SEZ6L2: variants seen among roughly 807,000 people sequenced by gnomAD.
The protein encoded by SEZ6L2 is seizure related 6 homolog like 2.
Under a neutral mutation model 97.0 loss-of-function variants are expected in SEZ6L2, and 44 were observed. The ratio of observed to expected loss-of-function variants is 0.45; its 90% confidence interval spans 0.36 to 0.58. The LOEUF (loss-of-function observed/expected upper bound fraction) is 0.58. SEZ6L2 is among the 20% of genes least tolerant of loss of function. SEZ6L2 has a pLI of 0.00. For synonymous variants in SEZ6L2, 543 were observed against 546.1 expected, an observed-to-expected ratio of 0.99 and a Z score of 0.08; for missense variants, 1,086 against 1,233.3, an observed-to-expected ratio of 0.88 and a Z score of 1.79.
intron 6 of SEZ6L2, among the ~76,000 whole-genome samples, chr16:29,888,304 A>G (rs1174786003): frequency 1.3e-5 from 2 of 151,968 alleles, no homozygotes; most frequent in Admixed American, 1.3e-4. Flanking sequence ...TCCCAAAATA[A>G]AATCTCCAGT....
chr16:29,887,850 C>T, intron 6 of SEZ6L2, 33 bp from the exon 7 acceptor site: 2 of 1,609,650 alleles, frequency 1.2e-6, no homozygotes, highest in Non-Finnish European at 1.7e-6. Flanking sequence ...TTAAGGCCAG[C>T]CTGAGGTGAA....
In SEZ6L2 at chr16:29,871,416, G is replaced by A; in HGVS notation, c.*283C>T. 5 of 551,126 alleles carry A rather than the reference G, an allele frequency of 9.1e-6. No homozygotes were observed. In the Admixed American group the frequency reaches 9.2e-5, roughly 10 times the overall value. The allele number at this position is 551,126 out of a possible 1,614,324, so 34.1% of individuals were successfully genotyped here. On this transcript the variant is annotated 3_prime_UTR_variant, in exon 18 of 18. Coordinates refer to ENST00000617533, the MANE Select transcript of SEZ6L2 (RefSeq NM_001243332.2). ...GTGCCCTGGGCAGGAGGGGCTGCAAGATTTGCAGGGAGGCAGAGTTCCCCT... is the reference window on the plus strand; with the variant it reads ...GTGCCCTGGGCAGGAGGGGCTGCAAAATTTGCAGGGAGGCAGAGTTCCCCT...
At chr16:29,877,793 T>C (rs925825622) in intron 10 of SEZ6L2, among the ~76,000 whole-genome samples, 3 of 152,270 alleles carry the variant, frequency 2.0e-5, no homozygotes, top group South Asian at 2.1e-4. Context: ...CTCTGGCCAA[T>C]CACAGACCAA....
intron 10 of SEZ6L2, 94 bp downstream of exon 10, chr16:29,878,193 G>C (rs1453798613): frequency 5.0e-6 from 7 of 1,408,034 alleles, no homozygotes; most frequent in Non-Finnish European, 5.7e-6. Flanking sequence ...AGATACGCAA[G>C]AGCCAGACAG....
intron 5 of SEZ6L2, among the ~76,000 whole-genome samples, chr16:29,891,883 G>T (rs181264342): frequency 6.6e-6 from 1 of 152,282 alleles, no homozygotes; most frequent in East Asian, 1.9e-4. Flanking sequence ...AACACGCAAA[G>T]CACCTGGCAC....
chr16:29,876,728 C>T lies in SEZ6L2; in HGVS notation c.2104+28G>A. On this transcript the variant is annotated intron_variant, in intron 12 of 17. Transcript: ENST00000617533. The surrounding 1 kb of genome is among the most constrained non-coding windows in gnomAD (Gnocchi z 6.5). ...GGGGCCCACAGGGAAGGGGCGGGGC[C>T]GAGGGGACGCGGGCGGGGCCGGCTC... 6.7e-7 allele frequency: 1 copy of T among 1,503,286 alleles called. No individual in the cohort carries two copies. Among genetic ancestry groups the T allele is most frequent in the Non-Finnish European group, 8.9e-7 (1 of 1,122,388 alleles). The allele number at this position is 1,503,286 out of a possible 1,614,324, so 93.1% of individuals were successfully genotyped here.
rs938870775 is a variant in SEZ6L2, at chr16:29,871,722, G to T, written c.2749C>A (p.Arg917=). ...SNPLYEAGDT[R]EYEVSI is the part of the protein sequence containing the mutation. ...GTTCAGATGGAAACTTCATACTCCC[G>T]CGTATCCTGAAGACAGAGAGATCAG... The change falls in exon 18 of 18, where the codon CGG becomes AGG. Residue 917 remains arginine (R), a synonymous_variant. Coordinates refer to ENST00000617533, the MANE Select transcript of SEZ6L2 (RefSeq NM_001243332.2). 6.8e-6 allele frequency: 11 copies of T among 1,608,454 alleles called. No homozygotes were observed. The highest frequency in any genetic ancestry group is 1.3e-5 in the African/African-American group (1 of 74,774).
At chr16:29,896,371 C>T (rs1448109278) in intron 3 of SEZ6L2, among the ~76,000 whole-genome samples, 3 of 152,176 alleles carry the variant, frequency 2.0e-5, no homozygotes, top group African/African-American at 7.2e-5. Flanking sequence ...CCTCCACCTC[C>T]CGGGTTCAAG....
chr16:29,872,779 G>A (rs773981659), intron 14 of SEZ6L2, 36 bp from the exon 15 acceptor site: 2 of 1,438,518 alleles, frequency 1.4e-6, no homozygotes, highest in African/African-American at 2.8e-5. Context: ...TGGGGTCTGA[G>A]CCAGGGAGGG....
intron 17 of SEZ6L2, 46 bp from the exon 18 acceptor site, chr16:29,871,774 G>T: frequency 6.3e-7 from 1 of 1,579,404 alleles, no homozygotes; most frequent in Non-Finnish European, 8.6e-7. Context: ...TGATAGGGGT[G>T]GAAGAGGCAG....
chr16:29,892,095 A>T, intron 5 of SEZ6L2, among the ~76,000 whole-genome samples: 1 of 152,190 alleles, frequency 6.6e-6, no homozygotes, highest in African/African-American at 2.4e-5. Flanking sequence ...TGAGAAGCAA[A>T]TGAAACTAAG....
chr16:29,896,750 G>C, intron 3 of SEZ6L2, 72 bp downstream of exon 3: 1 of 1,368,346 alleles, frequency 7.3e-7, no homozygotes. Context: ...GTTCCCAGCA[G>C]CCTCTCTCCC....
At chr16:29,886,471 C>T (rs1054105572) in intron 7 of SEZ6L2, among the ~76,000 whole-genome samples, 4 of 151,190 alleles carry the variant, frequency 2.6e-5, no homozygotes, top group Admixed American at 6.6e-5. Context: ...GTCAGGAGAT[C>T]GAGACCATCC....
In SEZ6L2 at chr16:29,885,638, C is replaced by G. The variant is rs367843207; in HGVS notation, c.1320G>C (p.Glu440Asp). 1.2e-6 allele frequency: 2 copies of G among 1,614,096 alleles called. No individual in the cohort carries two copies. Among genetic ancestry groups the G allele is most frequent in the Non-Finnish European group, 1.7e-6 (2 of 1,179,998 alleles). Residue 440 changes from glutamate to aspartate, a missense_variant, in exon 8 of 18, where the codon GAG (glutamate) becomes GAC (aspartate). Glu to Asp is a conservative substitution (Grantham distance 45). Coordinates refer to ENST00000617533, the MANE Select transcript of SEZ6L2 (RefSeq NM_001243332.2). ...GATTGGCAGGTGTCTCTGACAGCAG[C>G]TCCACGTAGAGGGACTGGGCGTCAC... ...LISDAQSLYVELLSETPANPL... is the reference protein window; with the variant it reads ...LISDAQSLYVDLLSETPANPL...
Position 29,898,960 on chromosome 16 carries a change from C to T in SEZ6L2, c.60G>A (p.Leu20=). 6.2e-7 allele frequency: 1 copy of T among 1,611,880 alleles called. No homozygotes were observed. The highest frequency in any genetic ancestry group is 8.5e-7 in the Non-Finnish European group (1 of 1,179,648). ...PPPQLLFLIL[L]SCPWIQGLPL... Reference sequence around the variant, plus strand: ...CCTTACCCTGGATCCAGGGACAGCTCAGCAGAATTAGGAACAGCAGCTGGG... The same window carrying T: ...CCTTACCCTGGATCCAGGGACAGCTTAGCAGAATTAGGAACAGCAGCTGGG... Residue 20 remains leucine, a synonymous_variant, in exon 1 of 18, where the codon CTG becomes CTA. Transcript: ENST00000617533.
In SEZ6L2 at chr16:29,872,731, T is replaced by G; in HGVS notation, c.2501A>C (p.Glu834Ala). ...QPPLCKVAYEELLDNRKLEVT... is the reference protein window; with the variant it reads ...QPPLCKVAYEALLDNRKLEVT... ...TTCCAGTTTTCGGTTGTCCAGGAGC[T>G]CCTCATAGGCAACTGCAGGGAGAGG... Residue 834 changes from glutamate (E) to alanine (A), a missense_variant, in exon 15 of 18, where the codon GAG becomes GCG. Transcript: ENST00000617533. The G allele has an allele frequency of 6.2e-7, 1 of 1,610,758 alleles. No homozygotes were observed. The highest frequency in any genetic ancestry group is 8.5e-7 in the Non-Finnish European group (1 of 1,178,766).
intron 8 of SEZ6L2, among the ~76,000 whole-genome samples, chr16:29,880,588 T>C (rs1012002964): frequency 6.6e-6 from 1 of 152,082 alleles, no homozygotes; most frequent in Non-Finnish European, 1.5e-5. Context: ...CCCAAAGTGC[T>C]GGGATTACAG....
chr16:29,887,100 G>C (rs1208514688), intron 7 of SEZ6L2, among the ~76,000 whole-genome samples: 1 of 149,936 alleles, frequency 6.7e-6, no homozygotes, highest in Non-Finnish European at 1.5e-5. Flanking sequence ...AGAATCACTT[G>C]AACCCGGGAG....
intron 7 of SEZ6L2, chr16:29,886,050 A>AT (rs2068133430): frequency 4.2e-6 from 1 of 235,784 alleles, no homozygotes; most frequent in African/African-American, 2.3e-5. Context: ...TAGGTAAAGG[A>AT]TGATAATGAT....
Sources: allele counts gnomAD v4.1 joint callset (sites outside exome capture counted in the v4.1 genomes callset), GRCh38; gene constraint gnomAD v4.1.1; non-coding constraint Gnocchi (gnomAD v3.1); transcripts MANE v1.5; gene names NCBI Gene and HGNC (gene_info 2026-07-23, HGNC 2026-07-21).